The following ZNF341 variants were observed in gnomAD, a reference collection of about 807,000 sequenced individuals.
ZNF341 encodes the protein zinc finger protein 341.
Under a neutral mutation model 87.7 loss-of-function variants are expected in ZNF341, and 52 were observed. The ratio of observed to expected loss-of-function variants is 0.59; its 90% CI spans 0.47 to 0.75. The LOEUF (loss-of-function observed/expected upper bound fraction) is 0.75, where lower values mean the gene tolerates loss of function less well. Among genes scored for constraint, ZNF341 ranks in the 30% least tolerant of loss-of-function variants. The pLI, the probability that ZNF341 is intolerant of heterozygous loss-of-function variation, is 0.00. For missense variants in ZNF341, 977 were observed against 1,145.9 expected, an observed-to-expected ratio of 0.85 and a Z score of 2.13; for synonymous variants, 459 against 472.7, an observed-to-expected ratio of 0.97 and a Z score of 0.38.
intron 9 of ZNF341, among the ~76,000 whole-genome samples, chr20:33,767,728 A>G (rs947361004): frequency 2.3e-4 from 35 of 152,230 alleles, no homozygotes; most frequent in African/African-American, 7.7e-4. Context: ...CTATCATTTG[A>G]CAATGCATTA....
At chr20:33,760,031 G>A (rs964614266) in intron 7 of ZNF341, among the ~76,000 whole-genome samples, 5 of 152,360 alleles carry the variant, frequency 3.3e-5, no homozygotes, top group Admixed American at 2.6e-4. Flanking sequence ...GTTCCCTGGA[G>A]GGCAAAACTG....
At chr20:33,784,882 C>T (rs1466468531) in intron 12 of ZNF341, among the ~76,000 whole-genome samples, 1 of 152,272 alleles carries the variant, frequency 6.6e-6, no homozygotes, top group East Asian at 1.9e-4. Context: ...TCCCAAAGTG[C>T]TGGGATGACA....
intron 8 of ZNF341, among the ~76,000 whole-genome samples, chr20:33,764,187 G>A (rs1241081109): frequency 6.6e-6 from 1 of 150,814 alleles, no homozygotes; most frequent in Non-Finnish European, 1.5e-5. Context: ...ACCATGCCCG[G>A]CTAATTTTTT....
Position 33,770,526 on chromosome 20 carries a change from CA to C in ZNF341, c.1622+243del, listed in dbSNP as rs924080294. ...CTTATGTCTTGGCAGACATTTTTCC[CA>C]AAAAAAAATCCTTAAAAAGAGGAAC... On this transcript the variant is annotated intron_variant, in intron 10 of 14. Transcript: ENST00000375200. Among the ~76,000 whole-genome samples the C allele has an allele frequency of 9.3e-5, 14 of 150,748 alleles. No homozygotes were observed. The East Asian group carries it at 2.3e-3, about 25-fold the overall frequency.
intron 5 of ZNF341, among the ~76,000 whole-genome samples, chr20:33,754,632 G>A (rs2019136536): frequency 1.3e-5 from 2 of 152,318 alleles, no homozygotes; most frequent in South Asian, 4.1e-4. Flanking sequence ...TAATGCTGGT[G>A]GCTTGTGGTA....
intron 6 of ZNF341, among the ~76,000 whole-genome samples, chr20:33,757,873 TGAA>T (rs1227228507): frequency 2.6e-5 from 4 of 151,826 alleles, no homozygotes; most frequent in Admixed American, 2.6e-4. Flanking sequence ...TTGTGAGGAG[TGAA>T]GAAGGAGAGA....
chr20:33,777,322 CAA>C (rs71192713), intron 10 of ZNF341, among the ~76,000 whole-genome samples: 78 of 32,664 alleles, frequency 2.4e-3, no homozygotes, highest in African/African-American at 7.3e-3. Flanking sequence ...GACCCTATCT[CAA>C]AAAAAAAAAA....
chr20:33,789,871 C>T (rs1320969133), intron 14 of ZNF341, among the ~76,000 whole-genome samples: 3 of 150,400 alleles, frequency 2.0e-5, no homozygotes, highest in African/African-American at 7.4e-5. Context: ...GAGGTGTGGA[C>T]GAGGTGTGGA....
chr20:33,767,321 G>T (rs777285766), intron 9 of ZNF341, among the ~76,000 whole-genome samples: 4 of 152,012 alleles, frequency 2.6e-5, no homozygotes, highest in Non-Finnish European at 5.9e-5. Context: ...GTCATCTCAG[G>T]GTGTGGCCTT....
intron 1 of ZNF341, among the ~76,000 whole-genome samples, chr20:33,735,906 A>G (rs78162384): frequency 0.024 from 3,660 of 152,102 alleles, 129 homozygotes; most frequent in African/African-American, 0.083. Context: ...TTTCAAGAAT[A>G]CTATATAAAT....
chr20:33,758,633 C>A, intron 6 of ZNF341, 83 bp from the exon 7 acceptor site: 2 of 1,082,770 alleles, frequency 1.8e-6, no homozygotes, highest in African/African-American at 1.5e-5. Flanking sequence ...TTGTCTGGCT[C>A]AGATACAGTA....
Position 33,745,294 on chromosome 20 carries a change from C to T in ZNF341, c.334C>T (p.Arg112Cys), listed in dbSNP as rs1194746502. ...AVQQAPTPAN[R>C]QISTYITVPP... ...CCAGCAGGCCCCAACTCCTGCCAAT[C>T]GCCAGGTATTTGTTCATTTATTCAT... is the stretch of plus-strand genomic sequence containing the variant. The change falls in exon 3 of 15, where the codon CGC (arginine) becomes TGC (cysteine). Residue 112 changes from arginine (R) to cysteine (C), a missense_variant. Arg to Cys is a radical substitution (Grantham distance 180, BLOSUM62 -3). This residue lies in a region of ZNF341 where 515 missense variants were observed against 598.2 expected (regional missense o/e 0.86). Coordinates refer to ENST00000375200, the MANE Select transcript of ZNF341 (RefSeq NM_001282933.2). The T allele has an allele frequency of 1.5e-5, 24 of 1,611,690 alleles. No individual in the cohort carries two copies. Among genetic ancestry groups the T allele is most frequent in the Admixed American group, 6.7e-5 (4 of 59,826 alleles).
intron 11 of ZNF341, among the ~76,000 whole-genome samples, chr20:33,781,961 T>C (rs2019755989): frequency 6.6e-6 from 1 of 152,126 alleles, no homozygotes; most frequent in Non-Finnish European, 1.5e-5. Flanking sequence ...ATTACACGCA[T>C]GAGCCACTGC....
chr20:33,783,683 G>T, intron 11 of ZNF341, 49 bp from the exon 12 acceptor site: 1 of 1,612,484 alleles, frequency 6.2e-7, no homozygotes, highest in Non-Finnish European at 8.5e-7. Flanking sequence ...AGATGGCCAG[G>T]GGAGGGGGGC....
chr20:33,788,681 C>G lies in ZNF341; in HGVS notation c.1853-182C>G, dbSNP rs1226192915. 7.6e-6 allele frequency: 5 copies of G among 658,912 alleles called. No homozygotes were observed. The Admixed American group carries it at 8.7e-5, about 11-fold the overall frequency. The allele number at this position is 658,912 out of a possible 1,614,324, so 40.8% of individuals were successfully genotyped here. ...ATCAGAGAGGCCTCTCCTGACCATCCTGTCAAAATAGCCCTGTCTTGTCTC... is the reference window on the plus strand; with the variant it reads ...ATCAGAGAGGCCTCTCCTGACCATCGTGTCAAAATAGCCCTGTCTTGTCTC... On this transcript the variant is annotated intron_variant, in intron 12 of 14. Coordinates refer to ENST00000375200, the MANE Select transcript of ZNF341 (RefSeq NM_001282933.2).
chr20:33,733,515 G>A (rs897285849), intron 1 of ZNF341, among the ~76,000 whole-genome samples: 3 of 152,074 alleles, frequency 2.0e-5, no homozygotes, highest in Non-Finnish European at 4.4e-5. Flanking sequence ...GGGATTACAG[G>A]CGTGAGCCAC....
At position 33,732,343 on chromosome 20, in the gene ZNF341, C is replaced by T. The variant is rs1176487423; in HGVS notation, c.31+291C>T. Among the ~76,000 whole-genome samples the T allele has an allele frequency of 6.7e-6, 1 of 150,174 alleles. No individual in the cohort carries two copies. Among genetic ancestry groups the T allele is most frequent in the East Asian group, 2.0e-4 (1 of 5,040 alleles). Reference sequence around the variant, plus strand: ...GGGCGGGCGCGGGAGGGGCTCCCTGCAGGGAACTGCGCGGGAGGCGACGGC... The same window carrying T: ...GGGCGGGCGCGGGAGGGGCTCCCTGTAGGGAACTGCGCGGGAGGCGACGGC... On this transcript the variant is annotated intron_variant, in intron 1 of 14. Coordinates refer to ENST00000375200, the MANE Select transcript of ZNF341 (RefSeq NM_001282933.2). The surrounding 1 kb of genome is among the most constrained non-coding windows in gnomAD (Gnocchi z 4.5).
Position 33,732,228 on chromosome 20 carries a change from C to CG in ZNF341, c.31+181dup, listed in dbSNP as rs2018583001. Among the ~76,000 whole-genome samples, 2 of 148,666 alleles carry CG rather than the reference C, an allele frequency of 1.3e-5. No individual in the cohort carries two copies. Among genetic ancestry groups the CG allele is most frequent in the Non-Finnish European group, 3.0e-5 (2 of 66,854 alleles). On this transcript the variant is annotated intron_variant, in intron 1 of 14. Coordinates refer to ENST00000375200, the MANE Select transcript of ZNF341 (RefSeq NM_001282933.2). The surrounding 1 kb of genome is among the most constrained non-coding windows in gnomAD (Gnocchi z 4.5). ...GAACAGCGCGGGAGCCGAGGCCCGG[C>CG]GGGGGAGCTCCGGGGCCGGAACAGC...
chr20:33,747,962 G>A lies in ZNF341; in HGVS notation c.340-961G>A, dbSNP rs570259855. On this transcript the variant is annotated intron_variant, in intron 3 of 14. Coordinates refer to ENST00000375200, the MANE Select transcript of ZNF341 (RefSeq NM_001282933.2). ...GCCTGTCTTGGCCTCCCAAAGTGCT[G>A]GAATTACAGGCATGAGCCACCGTGC... is the stretch of plus-strand genomic sequence containing the variant. Among the ~76,000 whole-genome samples the A allele has an allele frequency of 1.4e-4, 21 of 152,042 alleles. No individual in the cohort carries two copies. The East Asian group carries it at 3.9e-3, about 28-fold the overall frequency.
Sources: allele counts gnomAD v4.1 joint callset (sites outside exome capture counted in the v4.1 genomes callset), GRCh38; gene constraint gnomAD v4.1.1; regional missense constraint gnomAD v4.1.1; non-coding constraint Gnocchi (gnomAD v3.1); transcripts MANE v1.5; gene names NCBI Gene and HGNC (gene_info 2026-07-23, HGNC 2026-07-21).